Variants in NXPE2 observed in about 807,000 individuals in gnomAD.
The protein encoded by NXPE2 is neurexophilin and PC-esterase domain family member 2.
In NXPE2, 34 loss-of-function variants were observed where a neutral mutation model predicts 34.4. The ratio of observed to expected loss-of-function variants is 0.99; its 90% confidence interval spans 0.75 to 1.31. The LOEUF is 1.31. Ranked by LOEUF, NXPE2 falls within the 40% of genes most tolerant of loss-of-function variation. The pLI is 0.00. For missense variants in NXPE2, 649 were observed against 672.5 expected, an observed-to-expected ratio of 0.97 and a Z score of 0.39; for synonymous variants, 235 against 231.3, an observed-to-expected ratio of 1.02 and a Z score of -0.15.
the NXPE2 span, among the ~76,000 whole-genome samples, chr11:114,636,656 C>T: frequency 2.6e-5 from 4 of 151,982 alleles, no homozygotes; most frequent in South Asian, 2.1e-4. Flanking sequence ...GATTCTGGTA[C>T]GTTGTGTCTT....
At chr11:114,604,019 G>C in the NXPE2 span, among the ~76,000 whole-genome samples, 12 of 151,808 alleles carry the variant, frequency 7.9e-5, no homozygotes, top group Non-Finnish European at 1.6e-4. Flanking sequence ...CTACCATTAC[G>C]TGGTGGATAA....
the NXPE2 span, among the ~76,000 whole-genome samples, chr11:114,479,721 C>T: frequency 6.6e-6 from 1 of 152,116 alleles, no homozygotes; most frequent in Non-Finnish European, 1.5e-5. Context: ...TGAGAGTGGA[C>T]AGCTGAGAGA....
the NXPE2 span, among the ~76,000 whole-genome samples, chr11:114,781,426 G>A: frequency 6.6e-6 from 1 of 152,202 alleles, no homozygotes; most frequent in Non-Finnish European, 1.5e-5. Flanking sequence ...AGGATTTGCA[G>A]GAAAAGGGTG....
At chr11:114,530,902 A>T in the NXPE2 span, 2 of 1,602,364 alleles carry the variant, frequency 1.2e-6, no homozygotes, top group South Asian at 2.2e-5. Context: ...TTTAGAGCAG[A>T]CCAAAGCTGA....
chr11:114,512,307 A>G, the NXPE2 span, among the ~76,000 whole-genome samples: 1 of 152,132 alleles, frequency 6.6e-6, no homozygotes, highest in African/African-American at 2.4e-5. Flanking sequence ...TTCCTGCTTC[A>G]TCTTTTGTCA....
the NXPE2 span, among the ~76,000 whole-genome samples, chr11:114,589,153 G>A: frequency 3.3e-5 from 5 of 152,216 alleles, no homozygotes; most frequent in East Asian, 1.9e-4. Flanking sequence ...AAGCCACCTC[G>A]ACCCTCTCTA....
the NXPE2 span, among the ~76,000 whole-genome samples, chr11:114,472,301 T>C: frequency 0.13 from 19,806 of 152,210 alleles, 1,804 homozygotes; most frequent in African/African-American, 0.24. Context: ...CAGGGGTGTT[T>C]AATCTTTTGG....
the NXPE2 span, among the ~76,000 whole-genome samples, chr11:114,611,427 G>A: frequency 1.2e-4 from 18 of 151,648 alleles, no homozygotes; most frequent in Non-Finnish European, 2.9e-5. Context: ...ATTGCCTCTA[G>A]GGTAATCACT....
the NXPE2 span, among the ~76,000 whole-genome samples, chr11:114,615,778 A>G: frequency 6.6e-6 from 1 of 151,660 alleles, no homozygotes; most frequent in Non-Finnish European, 1.5e-5. Context: ...CTCATGGGTA[A>G]CCACTGTTAC....
chr11:114,669,739 A>T, the NXPE2 span, among the ~76,000 whole-genome samples: 2 of 151,926 alleles, frequency 1.3e-5, no homozygotes, highest in Non-Finnish European at 2.9e-5. Context: ...TATTTTTTCC[A>T]AGGGCACTGA....
the NXPE2 span, chr11:114,522,524 T>A: frequency 6.5e-7 from 1 of 1,535,318 alleles, no homozygotes; most frequent in Non-Finnish European, 8.8e-7. Flanking sequence ...AACAAATAGA[T>A]GTTTTAAATA....
At chr11:114,554,408 A>C in the NXPE2 span, 5 of 984,712 alleles carry the variant, frequency 5.1e-6, no homozygotes, top group African/African-American at 8.7e-5. Context: ...ATTCCAGAAC[A>C]GGGGGTTCTT....
At chr11:114,754,730 A>C in the NXPE2 span, among the ~76,000 whole-genome samples, 2 of 152,158 alleles carry the variant, frequency 1.3e-5, no homozygotes, top group South Asian at 4.1e-4. Flanking sequence ...TAACTGGTAC[A>C]TATGCTGTTG....
the NXPE2 span, among the ~76,000 whole-genome samples, chr11:114,741,157 T>C: frequency 1.3e-5 from 2 of 152,212 alleles, no homozygotes; most frequent in African/African-American, 4.8e-5. Flanking sequence ...TCCTACTGTC[T>C]CCTGGCTTGC....
the NXPE2 span, among the ~76,000 whole-genome samples, chr11:114,609,861 G>T: frequency 1.3e-4 from 19 of 151,608 alleles, 1 homozygote; most frequent in Admixed American, 1.3e-3. Context: ...TTGCCTCGCG[G>T]GTAACCACTC....
At chr11:114,793,430 A>G in the NXPE2 span, among the ~76,000 whole-genome samples, 1 of 152,326 alleles carries the variant, frequency 6.6e-6, no homozygotes, top group South Asian at 2.1e-4. Context: ...TTCTTGGGTA[A>G]GAAAACAGTA....
At chr11:114,675,167 A>G (rs779065180), upstream of NXPE2, among the ~76,000 whole-genome samples, 63 of 151,828 alleles carry the variant, frequency 4.1e-4, no homozygotes, top group Non-Finnish European at 8.9e-4. Flanking sequence ...ATACTCCAAC[A>G]CAATAAACAC....
chr11:114,611,886 C>T, the NXPE2 span, among the ~76,000 whole-genome samples: 14 of 152,006 alleles, frequency 9.2e-5, no homozygotes, highest in East Asian at 2.5e-3. Context: ...AATATTGCCT[C>T]ATGGGTAAAC....
At chr11:114,572,419 T>C in the NXPE2 span, among the ~76,000 whole-genome samples, 1 of 151,942 alleles carries the variant, frequency 6.6e-6, no homozygotes, top group Non-Finnish European at 1.5e-5. Context: ...ATTAAGCTAA[T>C]CAAGGAGGCA....
Sources: gnomAD v4.1 joint callset for allele counts (sites outside exome capture counted in the v4.1 genomes callset) on GRCh38, gnomAD v4.1.1 for gene constraint, MANE v1.5 for transcripts, NCBI Gene and HGNC (gene_info 2026-07-23, HGNC 2026-07-21) for gene names.